The following SLC30A5 variants were observed in gnomAD, a reference collection of about 807,000 sequenced individuals.
SLC30A5 encodes solute carrier family 30 member 5, also known as proton-coupled zinc antiporter SLC30A5.
In SLC30A5, 33 loss-of-function variants were observed where a neutral mutation model predicts 79.6. That is an observed-to-expected ratio of 0.41 (90% CI 0.31 to 0.55). The LOEUF (loss-of-function observed/expected upper bound fraction) is 0.55. Among genes scored for constraint, SLC30A5 ranks in the 20% least tolerant of loss-of-function variants. SLC30A5 has a pLI of 0.20. For missense variants in SLC30A5, 788 were observed against 928.1 expected (o/e 0.85, Z 1.96); for synonymous variants, 299 against 319.7 (o/e 0.94, Z 0.69).
intron 4 of SLC30A5, 58 bp from the exon 5 acceptor site, chr5:69,108,291 C>A: frequency 3.0e-6 from 4 of 1,334,316 alleles, no homozygotes; most frequent in Non-Finnish European, 3.2e-6. Context: ...TAGTTGAATT[C>A]ATGCGTCTTG....
intron 2 of SLC30A5, 97 bp downstream of exon 2, chr5:69,101,026 G>A: frequency 8.2e-7 from 1 of 1,214,836 alleles, no homozygotes; most frequent in Non-Finnish European, 1.1e-6. Flanking sequence ...ACAATATTTT[G>A]TTTGTTCCTC....
intron 14 of SLC30A5, among the ~76,000 whole-genome samples, chr5:69,127,605 C>G (rs984502759): frequency 4.6e-5 from 7 of 152,054 alleles, no homozygotes; most frequent in Non-Finnish European, 8.8e-5. Flanking sequence ...GATGGTGCCA[C>G]TGCACTCCAG....
In SLC30A5 at chr5:69,094,346, AC is replaced by A; in HGVS notation, c.83+10del. ...GGACGTACCCAGCGCTCGGTAAGGG[AC>A]CGATCCGGAAGGCAGCGACCGGCCG... On this transcript the variant is annotated intron_variant, in intron 1 of 15. Transcript: ENST00000396591. 2 of 1,246,288 alleles carry A rather than the reference AC, an allele frequency of 1.6e-6. No individual in the cohort carries two copies. Among genetic ancestry groups the A allele is most frequent in the Non-Finnish European group, 2.0e-6 (2 of 988,110 alleles). 77.2% of individuals were successfully genotyped at this position (1,246,288 alleles called of 1,614,324 possible).
At chr5:69,100,453 G>T (rs1470356117) in intron 1 of SLC30A5, among the ~76,000 whole-genome samples, 1 of 152,026 alleles carries the variant, frequency 6.6e-6, no homozygotes, top group Non-Finnish European at 1.5e-5. Context: ...GCGGAGGCTG[G>T]TCTCAAGCTA....
In SLC30A5 at chr5:69,104,672, T is replaced by C; in HGVS notation, c.315T>C (p.Ile105=). The C allele has an allele frequency of 6.3e-7, 1 of 1,581,352 alleles. No homozygotes were observed. Among genetic ancestry groups the C allele is most frequent in the South Asian group, 1.2e-5 (1 of 85,512 alleles). Residue 105 remains isoleucine (I), a synonymous_variant, in exon 4 of 16, where the codon ATT becomes ATC. Transcript: ENST00000396591. The part of the protein sequence containing the change: ...IFKHAVAGCI[I]SLLWFFGLTL... ...AACATGCAGTTGCTGGGTGTATTATTTCACTCTTGTGGTTTTTTGGCCTCA... is the reference window on the plus strand; with the variant it reads ...AACATGCAGTTGCTGGGTGTATTATCTCACTCTTGTGGTTTTTTGGCCTCA...
intron 5 of SLC30A5, 59 bp from the exon 6 acceptor site, chr5:69,113,081 C>A: frequency 7.5e-7 from 1 of 1,329,758 alleles, no homozygotes; most frequent in South Asian, 1.2e-5. Flanking sequence ...TATGTAGTTA[C>A]GGTCTTAAAA....
Position 69,116,591 on chromosome 5 carries a change from T to C in SLC30A5, c.1270T>C (p.Cys424Arg), listed in dbSNP as rs1453062378. 1 of 1,551,444 alleles carries C rather than the reference T, an allele frequency of 6.4e-7. No homozygotes were observed. Among genetic ancestry groups the C allele is most frequent in the Non-Finnish European group, 8.7e-7 (1 of 1,154,944 alleles). ...SDSRQIFYFL[C>R]LNLLFTFVEL... ...CTCTAGGCAGATCTTTTACTTCTTG[T>C]GCTTGAATCTGGTAAGATTTTTAAA... Residue 424 changes from cysteine (C) to arginine (R), a missense_variant, in exon 10 of 16, where the codon TGC (cysteine) becomes CGC (arginine). By Grantham distance (180) the Cys-to-Arg change is radical. Around this residue, in one of 3 missense-constraint regions of SLC30A5, gnomAD observed 626 missense variants for 755.5 expected, o/e 0.83. Transcript: ENST00000396591. This position sits in a 1 kb window ranked among gnomAD's most constrained non-coding sequence, Gnocchi z 4.0.
At chr5:69,117,160 G>T in intron 10 of SLC30A5, 79 bp from the exon 11 acceptor site, 2 of 1,121,624 alleles carry the variant, frequency 1.8e-6, no homozygotes, top group South Asian at 3.4e-5. Flanking sequence ...AAGTAAATTT[G>T]GATAATTAAG....
chr5:69,096,393 G>A (rs1745732044), intron 1 of SLC30A5, among the ~76,000 whole-genome samples: 2 of 152,164 alleles, frequency 1.3e-5, no homozygotes, highest in South Asian at 4.1e-4. Context: ...AGAGTGTATT[G>A]TCTCAGGTAG....
At chr5:69,107,254 T>C (rs1211068646) in intron 4 of SLC30A5, among the ~76,000 whole-genome samples, 1 of 152,226 alleles carries the variant, frequency 6.6e-6, no homozygotes, top group Non-Finnish European at 1.5e-5. Flanking sequence ...CTCCACATCT[T>C]GTCCCACTAG....
In SLC30A5 at chr5:69,129,583, T is replaced by G; in HGVS notation, c.2264T>G (p.Met755Arg). Residue 755 changes from methionine (M) to arginine (R), a missense_variant, in exon 16 of 16, where the codon ATG becomes AGG. By Grantham distance (91) the Met-to-Arg change is moderately conservative. Around this residue, in one of 3 missense-constraint regions of SLC30A5, gnomAD observed 158 missense variants for 156.2 expected, o/e 1.01. Transcript: ENST00000396591. ...GCTATGACAAAACAAATGGAATCCA[T>G]GAAATACTGCAAAGATGGTACTTAC... Reference protein sequence around the residue: ...VLAMTKQMESMKYCKDGTYIM With the variant: ...VLAMTKQMESRKYCKDGTYIM 3.1e-6 allele frequency: 5 copies of G among 1,613,160 alleles called. No individual in the cohort carries two copies. Among genetic ancestry groups the G allele is most frequent in the Non-Finnish European group, 3.4e-6 (4 of 1,179,638 alleles).
chr5:69,110,480 T>C (rs1273518751), intron 5 of SLC30A5, among the ~76,000 whole-genome samples: 1 of 152,182 alleles, frequency 6.6e-6, no homozygotes, highest in Non-Finnish European at 1.5e-5. Context: ...TCAAACTGGG[T>C]CATTAGTATT....
intron 5 of SLC30A5, 134 bp from the exon 6 acceptor site, chr5:69,113,006 T>A (rs909183170): frequency 3.0e-6 from 2 of 657,500 alleles, no homozygotes; most frequent in Non-Finnish European, 5.2e-6. Context: ...TAATGTCAGA[T>A]TTTTTTCTGT....
chr5:69,126,777 C>T (rs1443337031), intron 14 of SLC30A5, among the ~76,000 whole-genome samples: 1 of 147,252 alleles, frequency 6.8e-6, no homozygotes, highest in African/African-American at 2.5e-5. Flanking sequence ...CTTAAAAAAA[C>T]AAACAAACAA....
chr5:69,098,667 ACT>A (rs1450519642), intron 1 of SLC30A5, among the ~76,000 whole-genome samples: 2 of 152,182 alleles, frequency 1.3e-5, no homozygotes, highest in Non-Finnish European at 2.9e-5. Flanking sequence ...GTTTTAAACA[ACT>A]CGGACTACCA....
chr5:69,124,578 TTTTG>T (rs1488158136), intron 14 of SLC30A5, among the ~76,000 whole-genome samples: 1 of 152,138 alleles, frequency 6.6e-6, no homozygotes, highest in Non-Finnish European at 1.5e-5. Flanking sequence ...AGAGAAATAT[TTTTG>T]TTTGTTTGTT....
Position 69,129,429 on chromosome 5 carries a change from T to A in SLC30A5, c.2128-18T>A, listed in dbSNP as rs756297717. 21 of 1,595,568 alleles carry A rather than the reference T, an allele frequency of 1.3e-5. No homozygotes were observed. Among genetic ancestry groups the A allele is most frequent in the Non-Finnish European group, 1.7e-5 (20 of 1,167,480 alleles). ...GCATTACTCTAAATGCTTCAAAATA[T>A]CTGGATTTTTATAACAGGTTACAGG... is the stretch of plus-strand genomic sequence containing the variant. On this transcript the variant is annotated intron_variant, in intron 15 of 15. Coordinates refer to ENST00000396591, the MANE Select transcript of SLC30A5 (RefSeq NM_022902.5).
intron 1 of SLC30A5, among the ~76,000 whole-genome samples, chr5:69,095,120 A>G (rs1745684327): frequency 6.6e-6 from 1 of 151,948 alleles, no homozygotes; most frequent in South Asian, 2.1e-4. Context: ...TCTGGAATAA[A>G]TACTTCTTTG....
In SLC30A5 at chr5:69,129,353, TACTC is replaced by T. The variant is rs1227768882; in HGVS notation, c.2128-92_2128-89del. 4 of 870,322 alleles carry T rather than the reference TACTC, an allele frequency of 4.6e-6. No homozygotes were observed. The African/African-American group carries it at 6.8e-5, about 15-fold the overall frequency. The allele number at this position is 870,322 out of a possible 1,614,324, so 53.9% of individuals were successfully genotyped here. A position where few individuals can be genotyped will look rare whatever the true frequency, so the allele number is the denominator to read the frequency against. On this transcript the variant is annotated intron_variant, in intron 15 of 15. Coordinates refer to ENST00000396591, the MANE Select transcript of SLC30A5 (RefSeq NM_022902.5). ...AGATTTCGTATTTTCAGATTAAAGA[TACTC>T]AACCCGTATCAACTATGTACAGCAT... is the stretch of plus-strand genomic sequence containing the variant.
Sources: allele counts gnomAD v4.1 joint callset (sites outside exome capture counted in the v4.1 genomes callset), GRCh38; gene constraint gnomAD v4.1.1; regional missense constraint gnomAD v4.1.1; non-coding constraint Gnocchi (gnomAD v3.1); transcripts MANE v1.5; gene names NCBI Gene and HGNC (gene_info 2026-07-23, HGNC 2026-07-21).